Variants in PLCL2 observed in about 807,000 individuals in gnomAD.
The protein encoded by PLCL2 is inactive phospholipase C-like protein 2.
A neutral mutation model predicts 79.6 loss-of-function variants in PLCL2; 4 were observed. That is an observed-to-expected ratio of 0.05 (90% CI 0.02 to 0.11). The LOEUF (loss-of-function observed/expected upper bound fraction) is 0.11, where lower values mean the gene tolerates loss of function less well. PLCL2 is among the 10% of genes least tolerant of loss of function. The pLI, the probability that PLCL2 is intolerant of heterozygous loss-of-function variation, is 1.00. For synonymous variants in PLCL2, 484 were observed against 457.7 expected (o/e 1.06, Z -0.73); for missense variants, 895 against 1,291.0 (o/e 0.69, Z 4.70).
intron 4 of PLCL2, among the ~76,000 whole-genome samples, chr3:17,065,318 A>G (rs181281145): frequency 1.3e-4 from 20 of 152,210 alleles, no homozygotes; most frequent in Admixed American, 1.1e-3. Flanking sequence ...ATCATTTTTT[A>G]TCCTTTCAAC....
At chr3:17,085,599 G>A (rs1385795974) in intron 5 of PLCL2, among the ~76,000 whole-genome samples, 7 of 151,856 alleles carry the variant, frequency 4.6e-5, no homozygotes, top group South Asian at 2.1e-4. Context: ...ACAGGCGCCC[G>A]CCACCACGCC....
intron 3 of PLCL2, among the ~76,000 whole-genome samples, chr3:17,036,330 C>G (rs149347348): frequency 1.3e-5 from 2 of 152,140 alleles, no homozygotes; most frequent in Non-Finnish European, 2.9e-5. Flanking sequence ...TTTAAAAGTA[C>G]GTTGTATTTT....
At chr3:17,029,236 C>G (rs1398072436) in intron 3 of PLCL2, among the ~76,000 whole-genome samples, 1 of 151,972 alleles carries the variant, frequency 6.6e-6, no homozygotes, top group Non-Finnish European at 1.5e-5. Context: ...AGCATCCCAG[C>G]TCCTGGATCT....
chr3:17,015,035 C>T (rs939708488), intron 3 of PLCL2, 124 bp downstream of exon 3: 1 of 720,080 alleles, frequency 1.4e-6, no homozygotes, highest in African/African-American at 1.7e-5. Flanking sequence ...TTCACCTATG[C>T]TGGAGAAGTA....
intron 4 of PLCL2, among the ~76,000 whole-genome samples, chr3:17,049,792 A>G (rs1174199468): frequency 2.0e-5 from 3 of 152,198 alleles, no homozygotes. Flanking sequence ...ATCGCTATCA[A>G]AATTCCAGTG....
At position 16,970,080 on chromosome 3, in the gene PLCL2, C is replaced by T. The variant is rs186613063; in HGVS notation, c.328-39594C>T. The stretch of plus-strand genomic sequence containing the variant: ...TATATTTTATTTTATTATTATTACA[C>T]TTTAAGTTTTAGGGTACATGTGCAC... On this transcript the variant is annotated intron_variant, in intron 1 of 5. Coordinates refer to ENST00000615277, the MANE Select transcript of PLCL2 (RefSeq NM_001144382.2). Among the ~76,000 whole-genome samples, 582 of 149,238 alleles carry T rather than the reference C, an allele frequency of 3.9e-3. 3 individuals are homozygous for T. The highest frequency in any genetic ancestry group is 6.8e-3 in the Non-Finnish European group (458 of 67,408).
intron 2 of PLCL2, among the ~76,000 whole-genome samples, chr3:17,014,420 T>A (rs944588724): frequency 5.9e-5 from 9 of 152,240 alleles, no homozygotes; most frequent in Non-Finnish European, 4.4e-5. Context: ...GCATCAGCAC[T>A]ACTATGAACT....
At chr3:16,971,230 A>C (rs529536603) in intron 1 of PLCL2, among the ~76,000 whole-genome samples, 1 of 150,640 alleles carries the variant, frequency 6.6e-6, no homozygotes, top group Non-Finnish European at 1.5e-5. Flanking sequence ...ATCTTGAATT[A>C]ATTTTTGTAT....
chr3:17,054,487 A>G (rs1438236838), intron 4 of PLCL2, among the ~76,000 whole-genome samples: 1 of 152,110 alleles, frequency 6.6e-6, no homozygotes, highest in Non-Finnish European at 1.5e-5. Context: ...CCTGCTTCTC[A>G]GTATCAGTTT....
chr3:17,023,004 C>T (rs1046331262), intron 3 of PLCL2, among the ~76,000 whole-genome samples: 1 of 152,154 alleles, frequency 6.6e-6, no homozygotes, highest in African/African-American at 2.4e-5. Context: ...ACAAAGTGGC[C>T]AGTGGTTGCT....
rs78013552 is a variant in PLCL2, at chr3:16,998,355, C to G, written c.328-11319C>G. On this transcript the variant is annotated intron_variant, in intron 1 of 5. Coordinates refer to ENST00000615277, the MANE Select transcript of PLCL2 (RefSeq NM_001144382.2). ...TTAAAATTCAATGCAATTTACTAGA[C>G]AGTTATTACCAATTAAAGTTATATA... is the stretch of plus-strand genomic sequence containing the variant. Among the ~76,000 whole-genome samples the G allele has an allele frequency of 7.7e-3, 1,166 of 152,216 alleles. 7 individuals carry two copies. Among genetic ancestry groups the G allele is most frequent in the Admixed American group, 0.012 (183 of 15,274 alleles).
intron 2 of PLCL2, among the ~76,000 whole-genome samples, chr3:17,013,294 A>G (rs1460617071): frequency 1.3e-5 from 2 of 152,188 alleles, no homozygotes; most frequent in African/African-American, 2.4e-5. Flanking sequence ...CTGACAAAGC[A>G]GTCGGTAGTG....
intron 4 of PLCL2, among the ~76,000 whole-genome samples, chr3:17,055,764 A>G (rs914458439): frequency 3.9e-5 from 6 of 152,112 alleles, no homozygotes; most frequent in Non-Finnish European, 7.4e-5. Context: ...AGGGTAGAGC[A>G]GAGCAGGCCC....
intron 1 of PLCL2, among the ~76,000 whole-genome samples, chr3:16,996,138 A>G (rs1032413752): frequency 6.6e-6 from 1 of 152,214 alleles, no homozygotes; most frequent in African/African-American, 2.4e-5. Context: ...TTAGGTGAGC[A>G]CACCTACTGA....
At chr3:16,975,283 A>C (rs1020862090) in intron 1 of PLCL2, among the ~76,000 whole-genome samples, 1 of 152,160 alleles carries the variant, frequency 6.6e-6, no homozygotes, top group African/African-American at 2.4e-5. Flanking sequence ...TCCAAGTAAT[A>C]AGGGAGAGTG....
At chr3:16,955,600 T>C (rs1486973496) in intron 1 of PLCL2, among the ~76,000 whole-genome samples, 2 of 152,222 alleles carry the variant, frequency 1.3e-5, no homozygotes. Flanking sequence ...TGGCATTGAA[T>C]CTATAAATTA....
At chr3:17,048,564 A>G (rs1293058986) in intron 4 of PLCL2, among the ~76,000 whole-genome samples, 1 of 152,210 alleles carries the variant, frequency 6.6e-6, no homozygotes, top group Non-Finnish European at 1.5e-5. Flanking sequence ...CGTCTTTCAC[A>G]GTTAAGAAAA....
At chr3:17,005,292 C>A (rs556973744) in intron 1 of PLCL2, among the ~76,000 whole-genome samples, 11 of 152,262 alleles carry the variant, frequency 7.2e-5, no homozygotes, top group Non-Finnish European at 1.3e-4. Flanking sequence ...TTCCTCTTCT[C>A]CAGAGCGAGC....
At chr3:17,033,519 T>C (rs1326881108) in intron 3 of PLCL2, among the ~76,000 whole-genome samples, 1 of 152,218 alleles carries the variant, frequency 6.6e-6, no homozygotes, top group Non-Finnish European at 1.5e-5. Context: ...TTGAATGCAG[T>C]TTATATGTTA....
Sources: gnomAD v4.1 joint callset for allele counts (sites outside exome capture counted in the v4.1 genomes callset) on GRCh38, gnomAD v4.1.1 for gene constraint, MANE v1.5 for transcripts, NCBI Gene and HGNC (gene_info 2026-07-23, HGNC 2026-07-21) for gene names.